EBF3: variants seen among roughly 807,000 people sequenced by gnomAD.
EBF3 encodes the protein transcription factor COE3.
Under a neutral mutation model 77.1 loss-of-function variants are expected in EBF3, and 18 were observed. The observed-to-expected ratio is 0.23, with a 90% CI of 0.16 to 0.35. The LOEUF (loss-of-function observed/expected upper bound fraction) is 0.35. EBF3 is among the 10% of genes least tolerant of loss of function. The pLI is 1.00. For synonymous variants in EBF3, 350 were observed against 343.5 expected, an observed-to-expected ratio of 1.02 and a Z score of -0.21; for missense variants, 558 against 860.0, an observed-to-expected ratio of 0.65 and a Z score of 4.39.
chr10:129,841,095 G>T lies in EBF3; in HGVS notation c.1373-63C>A, dbSNP rs941485624. On this transcript the variant is annotated intron_variant, in intron 13 of 16. Transcript: ENST00000440978. This position sits in a 1 kb window ranked among gnomAD's most constrained non-coding sequence, Gnocchi z 4.6. Reference sequence around the variant, plus strand: ...TATCAGCGACAGACACTTGGGGGGGGTTCCCCGAGAATCTATATCATATAT... The same window carrying T: ...TATCAGCGACAGACACTTGGGGGGGTTTCCCCGAGAATCTATATCATATAT... 6.3e-7 allele frequency: 1 copy of T among 1,579,948 alleles called. No homozygotes were observed. Among genetic ancestry groups the T allele is most frequent in the Non-Finnish European group, 8.6e-7 (1 of 1,163,112 alleles).
intron 6 of EBF3, among the ~76,000 whole-genome samples, chr10:129,926,973 G>T (rs182988116): frequency 2.6e-5 from 4 of 152,344 alleles, no homozygotes; most frequent in African/African-American, 7.2e-5. Flanking sequence ...CTCTGAACAG[G>T]TGGGCATCCT....
At chr10:129,867,993 G>A (rs1486605325) in intron 8 of EBF3, 81 bp from the exon 9 acceptor site, 15 of 1,555,072 alleles carry the variant, frequency 9.6e-6, no homozygotes, top group Middle Eastern at 1.9e-4. Flanking sequence ...CGCGCGTCCC[G>A]CGGCCACCGC....
rs546890274 is a variant in EBF3 at position 129,866,914 on chromosome 10, G to A, written c.1039+227C>T. 1.3e-4 allele frequency among the ~76,000 whole-genome samples: 20 copies of A among 152,322 alleles called. No individual in the cohort carries two copies. In the East Asian group the frequency reaches 1.4e-3, roughly 10 times the overall value. ...AGCCCCACAAAGGGAGAGAGGTACC[G>A]AAGGTCACACAGCCACGGGGGCTGC... On this transcript the variant is annotated intron_variant, in intron 10 of 16. Transcript: ENST00000440978.
intron 11 of EBF3, among the ~76,000 whole-genome samples, chr10:129,844,492 C>T (rs1850313880): frequency 6.6e-6 from 1 of 152,080 alleles, no homozygotes; most frequent in African/African-American, 2.4e-5. Flanking sequence ...CCCGTAATGA[C>T]TCCACTGTTA....
Position 129,963,760 on chromosome 10 carries a change from C to A in EBF3, c.9G>T (p.Gly3=), listed in dbSNP as rs751913527. The A allele has an allele frequency of 1.3e-6, 2 of 1,523,146 alleles. No individual in the cohort carries two copies. Among genetic ancestry groups the A allele is most frequent in the East Asian group, 5.5e-5 (2 of 36,552 alleles). 94.4% of individuals were successfully genotyped at this position (1,523,146 alleles called of 1,614,324 possible). MF[G]IQENIPRGGT... is the part of the protein sequence containing the mutation. Reference sequence around the variant, plus strand: ...CCCCGCGCGGAATATTCTCCTGAATCCCAAACATGAAAACTGCTGGCGGCG... The same window carrying A: ...CCCCGCGCGGAATATTCTCCTGAATACCAAACATGAAAACTGCTGGCGGCG... The change falls in exon 1 of 17, where the codon GGG becomes GGT. Residue 3 remains glycine (G), a synonymous_variant. Coordinates refer to ENST00000440978, the MANE Select transcript of EBF3 (RefSeq NM_001375380.1). This position sits in a 1 kb window ranked among gnomAD's most constrained non-coding sequence, Gnocchi z 7.1.
chr10:129,845,431 T>G (rs1850382061), intron 11 of EBF3: 1 of 152,272 alleles, frequency 6.6e-6, no homozygotes, highest in South Asian at 2.1e-4. Context: ...ATGACAAATG[T>G]ACAGTTTTAT....
chr10:129,841,683 G>A lies in EBF3; in HGVS notation c.1372+433C>T, dbSNP rs150065176. On this transcript the variant is annotated intron_variant, in intron 13 of 16. Transcript: ENST00000440978. This position sits in a 1 kb window ranked among gnomAD's most constrained non-coding sequence, Gnocchi z 4.6. Reference sequence around the variant, plus strand: ...CACTGCACTGTGGGATGGGGTGCGGGGTGGGGAAATGGGGGTCTGTCTCCA... The same window carrying A: ...CACTGCACTGTGGGATGGGGTGCGGAGTGGGGAAATGGGGGTCTGTCTCCA... Among the ~76,000 whole-genome samples, 2,103 of 152,250 alleles carry A rather than the reference G, an allele frequency of 0.014. 20 individuals are homozygous for A. Among genetic ancestry groups the A allele is most frequent in the Middle Eastern group, 0.048 (14 of 294 alleles).
intron 6 of EBF3, among the ~76,000 whole-genome samples, chr10:129,942,561 C>A (rs1305267925): frequency 2.6e-5 from 4 of 152,166 alleles, no homozygotes; most frequent in Admixed American, 1.3e-4. Flanking sequence ...AGGTCAAACC[C>A]AAACAGCAAA....
chr10:129,943,236 G>A lies in EBF3; in HGVS notation c.554+14022C>T, dbSNP rs546604994. Reference sequence around the variant, plus strand: ...CTTCCCAGTTGGAGGGGATTTCAGCGGCTCTCCACAAACAAATAAACAGCA... The same window carrying A: ...CTTCCCAGTTGGAGGGGATTTCAGCAGCTCTCCACAAACAAATAAACAGCA... On this transcript the variant is annotated intron_variant, in intron 6 of 16. Transcript: ENST00000440978. The surrounding 1 kb of genome is among the most constrained non-coding windows in gnomAD (Gnocchi z 8.8). Among the ~76,000 whole-genome samples, 89 of 152,254 alleles carry A rather than the reference G, an allele frequency of 5.8e-4. No individual in the cohort carries two copies. The highest frequency in any genetic ancestry group is 6.8e-3 in the Middle Eastern group (2 of 294).
chr10:129,918,644 C>CCT (rs1439829828), intron 6 of EBF3, among the ~76,000 whole-genome samples: 1 of 152,230 alleles, frequency 6.6e-6, no homozygotes, highest in Non-Finnish European at 1.5e-5. Context: ...GCCCTACCCC[C>CCT]CTCCCCAGCT....
chr10:129,930,307 C>T (rs1326892508), intron 6 of EBF3, among the ~76,000 whole-genome samples: 1 of 152,162 alleles, frequency 6.6e-6, no homozygotes, highest in Non-Finnish European at 1.5e-5. Context: ...ATTCCCTTAA[C>T]AAATCCCCCT....
chr10:129,867,133 G>A lies in EBF3; in HGVS notation c.1039+8C>T, dbSNP rs2134076353. 2 of 1,611,836 alleles carry A rather than the reference G, an allele frequency of 1.2e-6. No homozygotes were observed. The highest frequency in any genetic ancestry group is 1.7e-5 in the Admixed American group (1 of 59,320). On this transcript the variant is annotated splice_region_variant and intron_variant, in intron 10 of 16. Coordinates refer to ENST00000440978, the MANE Select transcript of EBF3 (RefSeq NM_001375380.1). ...GCTTTCCCGCAGAAGCTGGAGCTGT[G>A]AACTCACCGGTGTAGACAAAGCGCC...
intron 6 of EBF3, among the ~76,000 whole-genome samples, chr10:129,909,375 T>C (rs1394970377): frequency 4.6e-5 from 7 of 152,198 alleles, no homozygotes; most frequent in African/African-American, 1.7e-4. Flanking sequence ...CTACAGACTC[T>C]TGAAAGCAAC....
chr10:129,861,966 C>T lies in EBF3; in HGVS notation c.1039+5175G>A, dbSNP rs1564834718. Among the ~76,000 whole-genome samples the T allele has an allele frequency of 6.6e-6, 1 of 152,146 alleles. No homozygotes were observed. The highest frequency in any genetic ancestry group is 1.5e-5 in the Non-Finnish European group (1 of 68,032). The stretch of plus-strand genomic sequence containing the variant: ...CCGCAGTGCTGACGGGACCGCCTCT[C>T]AATGCACACAAAAGATCTTTAACAC... On this transcript the variant is annotated intron_variant, in intron 10 of 16. Transcript: ENST00000440978. The surrounding 1 kb of genome is among the most constrained non-coding windows in gnomAD (Gnocchi z 4.3).
At chr10:129,843,369 C>T (rs1192551186) in intron 11 of EBF3, 167 bp from the exon 12 acceptor site, 3 of 616,546 alleles carry the variant, frequency 4.9e-6, no homozygotes, top group South Asian at 2.3e-5. Context: ...AAGGCACGTG[C>T]GTGCTGACAA....
intron 6 of EBF3, among the ~76,000 whole-genome samples, chr10:129,890,484 G>A (rs1853947916): frequency 6.6e-6 from 1 of 152,246 alleles, no homozygotes; most frequent in Non-Finnish European, 1.5e-5. Flanking sequence ...TGCACAGCGG[G>A]GCCTCCGCCA....
intron 6 of EBF3, among the ~76,000 whole-genome samples, chr10:129,920,740 G>A (rs978935938): frequency 2.0e-5 from 3 of 152,374 alleles, no homozygotes; most frequent in Non-Finnish European, 4.4e-5. Flanking sequence ...TCTGTGTGTG[G>A]CAGCAGGTGC....
At chr10:129,928,562 T>C (rs1434453481) in intron 6 of EBF3, among the ~76,000 whole-genome samples, 1 of 152,248 alleles carries the variant, frequency 6.6e-6, no homozygotes, top group Non-Finnish European at 1.5e-5. Flanking sequence ...AACACCACAA[T>C]GCAGTCTTCA....
chr10:129,846,109 TG>T (rs1436490762), intron 11 of EBF3, among the ~76,000 whole-genome samples: 1 of 3,530 alleles, frequency 2.8e-4, no homozygotes, highest in Non-Finnish European at 8.2e-4. Context: ...TTCTGGGCTT[TG>T]TGTGTGTGTG....
Sources: allele counts gnomAD v4.1 joint callset (sites outside exome capture counted in the v4.1 genomes callset), GRCh38; gene constraint gnomAD v4.1.1; non-coding constraint Gnocchi (gnomAD v3.1); transcripts MANE v1.5; gene names NCBI Gene and HGNC (gene_info 2026-07-23, HGNC 2026-07-21).